Variants in NTM observed in about 807,000 individuals in gnomAD.
The protein encoded by NTM is IgLON family member 2.
Under a neutral mutation model 42.1 loss-of-function variants are expected in NTM, and 13 were observed. That is an observed-to-expected ratio of 0.31 (90% CI 0.20 to 0.49). The LOEUF (loss-of-function observed/expected upper bound fraction) is 0.49, where lower values mean the gene tolerates loss of function less well. NTM is among the 20% of genes least tolerant of loss of function. The probability of loss-of-function intolerance (pLI) is 0.99; values close to 1 mark genes in which losing one functional copy is unlikely to be tolerated. For missense variants in NTM, 373 were observed against 452.8 expected, an observed-to-expected ratio of 0.82 and a Z score of 1.60; for synonymous variants, 187 against 179.2, an observed-to-expected ratio of 1.04 and a Z score of -0.35.
At chr11:131,662,216 G>A (rs2068199952) in intron 1 of NTM, 1 of 152,156 alleles carries the variant, frequency 6.6e-6, no homozygotes, top group Admixed American at 6.5e-5. Flanking sequence ...TAACAAAGAG[G>A]GAGGATAAAA....
At position 131,873,587 on chromosome 11, in the gene NTM, C is replaced by CGTATATATATACGTATATATATACG. The variant is rs1565657676; in HGVS notation, c.83-37965_83-37964insGTATATATATACGGTATATATATAC. On this transcript the variant is annotated intron_variant, in intron 1 of 8. Transcript: ENST00000683400. ...CGTATATATATACATATATATATAC[C>CGTATATATATACGTATATATATACG]GTATATATATACATATATATATACC... 1.1e-3 allele frequency among the ~76,000 whole-genome samples: 29 copies of CGTATATATATACGTATATATATACG among 26,816 alleles called. 2 individuals carry two copies. The highest frequency in any genetic ancestry group is 2.4e-3 in the African/African-American group (27 of 11,078). The allele number at this position is 26,816 out of a possible 152,430, so 17.6% of individuals were successfully genotyped here. A position where few individuals can be genotyped will look rare whatever the true frequency, so the allele number is the denominator to read the frequency against.
chr11:131,407,539 G>A (rs1276569922), intron 1 of NTM, among the ~76,000 whole-genome samples: 2 of 152,232 alleles, frequency 1.3e-5, no homozygotes, highest in African/African-American at 4.8e-5. Flanking sequence ...AGGTCAGCCA[G>A]GGGAGGAGGA....
intron 1 of NTM, among the ~76,000 whole-genome samples, chr11:131,842,424 G>A (rs1056218365): frequency 3.3e-5 from 5 of 152,122 alleles, no homozygotes; most frequent in Admixed American, 2.0e-4. Flanking sequence ...TTTGCAAGTC[G>A]TGGTTTCCGT....
intron 2 of NTM, among the ~76,000 whole-genome samples, chr11:131,931,024 C>T (rs1304515941): frequency 6.6e-6 from 1 of 152,150 alleles, no homozygotes; most frequent in South Asian, 2.1e-4. Context: ...TTGACATCAA[C>T]ATAGTAGTGT....
rs563044318 is a variant in NTM, at chr11:131,921,116, G to T, written c.167+9468G>T. ...TGGAAATAGCAATGCTGTGGTTTAC[G>T]GGTTGAATTTTGTCCCATCTCCCCA... On this transcript the variant is annotated intron_variant, in intron 2 of 8. Coordinates refer to ENST00000683400, the MANE Select transcript of NTM (RefSeq NM_001352005.2). 2.0e-5 allele frequency among the ~76,000 whole-genome samples: 3 copies of T among 152,248 alleles called. No individual in the cohort carries two copies. The East Asian group carries it at 5.8e-4, about 29-fold the overall frequency.
intron 1 of NTM, among the ~76,000 whole-genome samples, chr11:131,544,812 T>C (rs1488676748): frequency 6.6e-6 from 1 of 152,182 alleles, no homozygotes. Context: ...GCTTGCTCTA[T>C]GTTTTGAGCC....
At chr11:132,287,118 T>C (rs2094273437) in intron 4 of NTM, among the ~76,000 whole-genome samples, 1 of 152,214 alleles carries the variant, frequency 6.6e-6, no homozygotes, top group African/African-American at 2.4e-5. Context: ...TGTCTGATGC[T>C]CATCCATCAT....
intron 2 of NTM, among the ~76,000 whole-genome samples, chr11:132,030,800 A>G (rs1248220085): frequency 6.6e-6 from 1 of 152,218 alleles, no homozygotes; most frequent in South Asian, 2.1e-4. Flanking sequence ...GCAGAGAGAT[A>G]GTGGGAAGCT....
chr11:131,709,641 A>G (rs2135275730), intron 1 of NTM, among the ~76,000 whole-genome samples: 1 of 152,334 alleles, frequency 6.6e-6, no homozygotes, highest in African/African-American at 2.4e-5. Flanking sequence ...GTTAACTTCA[A>G]GATGTCTGCT....
At chr11:132,229,225 C>T (rs1004290091) in intron 4 of NTM, among the ~76,000 whole-genome samples, 2 of 152,142 alleles carry the variant, frequency 1.3e-5, no homozygotes, top group African/African-American at 2.4e-5. Flanking sequence ...TTTTTCTTGA[C>T]GGCCTTATGA....
intron 3 of NTM, among the ~76,000 whole-genome samples, chr11:132,191,282 G>T (rs376759813): frequency 2.0e-5 from 3 of 152,124 alleles, no homozygotes; most frequent in African/African-American, 7.2e-5. Context: ...CAAAGTGCTG[G>T]TGCCAGTGAT....
chr11:131,685,486 T>C (rs1429091724), intron 1 of NTM, among the ~76,000 whole-genome samples: 1 of 152,188 alleles, frequency 6.6e-6, no homozygotes, highest in Non-Finnish European at 1.5e-5. Flanking sequence ...TGCAAACACA[T>C]TGGCCTCCAT....
chr11:131,718,053 A>G (rs1222640516), intron 1 of NTM, among the ~76,000 whole-genome samples: 1 of 152,216 alleles, frequency 6.6e-6, no homozygotes, highest in Non-Finnish European at 1.5e-5. Flanking sequence ...TATTCCTGGG[A>G]TAGATTACAT....
intron 1 of NTM, among the ~76,000 whole-genome samples, chr11:131,867,463 C>G (rs1565649645): frequency 1.3e-5 from 2 of 150,740 alleles, no homozygotes; most frequent in African/African-American, 2.4e-5. Flanking sequence ...GTGTGTGTGT[C>G]TGTGTGTGTC....
intron 1 of NTM, chr11:131,911,099 A>G (rs2054832243): frequency 1.1e-5 from 13 of 1,154,284 alleles, no homozygotes; most frequent in Non-Finnish European, 1.4e-5. Flanking sequence ...TTCTGGTACC[A>G]AAGTGCTTAC....
chr11:132,081,528 C>T (rs1427709794), intron 2 of NTM, among the ~76,000 whole-genome samples: 23 of 151,958 alleles, frequency 1.5e-4, no homozygotes, highest in Admixed American at 1.2e-3. Context: ...GTCAGGAGAT[C>T]GAGACCATCC....
intron 2 of NTM, among the ~76,000 whole-genome samples, chr11:131,921,493 C>T (rs1011382727): frequency 6.9e-4 from 105 of 152,308 alleles, no homozygotes; most frequent in African/African-American, 2.4e-3. Flanking sequence ...TGATTTCAGA[C>T]TTCTGGGCTC....
chr11:131,969,248 G>A (rs189072473), intron 2 of NTM, among the ~76,000 whole-genome samples: 1 of 152,134 alleles, frequency 6.6e-6, no homozygotes, highest in South Asian at 2.1e-4. Flanking sequence ...AGTTCCTCTT[G>A]AGTGAGCACC....
intron 2 of NTM, among the ~76,000 whole-genome samples, chr11:132,101,949 TCTCTC>T (rs1267197399): frequency 6.6e-6 from 1 of 152,202 alleles, no homozygotes; most frequent in Non-Finnish European, 1.5e-5. Flanking sequence ...TGTAACCTGA[TCTCTC>T]CTCCCTACTT....
Sources: allele counts gnomAD v4.1 joint callset (sites outside exome capture counted in the v4.1 genomes callset), GRCh38; gene constraint gnomAD v4.1.1; transcripts MANE v1.5; gene names NCBI Gene and HGNC (gene_info 2026-07-23, HGNC 2026-07-21).